DCX: variants seen among roughly 807,000 people sequenced by gnomAD.
DCX encodes neuronal migration protein doublecortin.
Under a neutral mutation model 20.9 loss-of-function variants are expected in DCX, and 4 were observed. That is an observed-to-expected ratio of 0.19 (90% CI 0.09 to 0.44). The LOEUF (loss-of-function observed/expected upper bound fraction) is 0.44. Among genes scored for constraint, DCX ranks in the 20% least tolerant of loss-of-function variants. The probability of loss-of-function intolerance (pLI) is 0.99; values close to 1 mark genes in which losing one functional copy is unlikely to be tolerated. For missense variants in DCX, 133 were observed against 296.9 expected (o/e 0.45, Z 4.06); for synonymous variants, 103 against 111.4 (o/e 0.92, Z 0.47).
At chrX:111,391,088 C>T (rs1926911134) in intron 3 of DCX, among the ~76,000 whole-genome samples, 1 of 111,100 alleles carries the variant, frequency 9.0e-6, no homozygotes, top group Non-Finnish European at 1.9e-5. Context: ...TCTGTGCCCC[C>T]ACCCAAATTT....
At chrX:111,308,987 G>C (rs1477359436) in intron 6 of DCX, among the ~76,000 whole-genome samples, 2 of 110,461 alleles carry the variant, frequency 1.8e-5, no homozygotes, top group Non-Finnish European at 3.8e-5. Flanking sequence ...ATCTGTAAAA[G>C]GGAAATGCTA....
chrX:111,315,246 AC>A (rs1313177873), intron 5 of DCX, among the ~76,000 whole-genome samples: 1 of 98,426 alleles, frequency 1.0e-5, no homozygotes, highest in African/African-American at 3.9e-5. Flanking sequence ...AAAACAAACA[AC>A]CCCATCAAAA....
intron 3 of DCX, among the ~76,000 whole-genome samples, chrX:111,353,540 T>C (rs1367332580): frequency 8.9e-6 from 1 of 111,843 alleles, no homozygotes; most frequent in African/African-American, 3.3e-5. Context: ...AGAAATCTAC[T>C]GTCTTTTTCT....
At chrX:111,334,801 A>G (rs1424216559) in intron 3 of DCX, among the ~76,000 whole-genome samples, 2 of 112,235 alleles carry the variant, frequency 1.8e-5, no homozygotes, top group Non-Finnish European at 3.8e-5. Flanking sequence ...GGTGAGATAC[A>G]TCGAAATAGA....
chrX:111,361,535 ACCTAAACT>A (rs1181924983), intron 3 of DCX, among the ~76,000 whole-genome samples: 10 of 111,955 alleles, frequency 8.9e-5, no homozygotes, highest in Non-Finnish European at 1.3e-4. Context: ...TATTAATTTC[ACCTAAACT>A]CCTAAACTGT....
chrX:111,348,853 G>A (rs767846387), intron 3 of DCX, among the ~76,000 whole-genome samples: 51 of 106,642 alleles, frequency 4.8e-4, no homozygotes, highest in Non-Finnish European at 5.6e-4. Context: ...CGTAGGGGAA[G>A]GAAAGGTTTG....
At chrX:111,348,550 A>T (rs930248998) in intron 3 of DCX, among the ~76,000 whole-genome samples, 5 of 111,305 alleles carry the variant, frequency 4.5e-5, no homozygotes, top group Non-Finnish European at 9.4e-5. Flanking sequence ...CATGCCCAGG[A>T]CTGACACCTG....
intron 3 of DCX, among the ~76,000 whole-genome samples, chrX:111,340,807 AAAAC>A (rs1216904944): frequency 9.0e-6 from 1 of 111,610 alleles, no homozygotes; most frequent in Non-Finnish European, 1.9e-5. Flanking sequence ...CATTGAAAGA[AAAAC>A]AAACAAACAG....
At chrX:111,317,497 T>G (rs2147605981) in intron 5 of DCX, among the ~76,000 whole-genome samples, 1 of 110,068 alleles carries the variant, frequency 9.1e-6, no homozygotes, top group South Asian at 4.0e-4. Context: ...CACATAGGAC[T>G]TGGCAAGGAT....
intron 3 of DCX, among the ~76,000 whole-genome samples, chrX:111,374,366 G>A (rs1400359014): frequency 8.9e-6 from 1 of 112,201 alleles, no homozygotes; most frequent in Non-Finnish European, 1.9e-5. Context: ...AAGCATTGGA[G>A]AACAAATTAA....
At chrX:111,330,420 T>A (rs1030977794) in intron 5 of DCX, among the ~76,000 whole-genome samples, 1 of 112,316 alleles carries the variant, frequency 8.9e-6, no homozygotes, top group Admixed American at 9.4e-5. Flanking sequence ...TGTCCCCCTA[T>A]TTATATGGCA....
intron 5 of DCX, among the ~76,000 whole-genome samples, chrX:111,319,465 A>T (rs1330915584): frequency 8.9e-6 from 1 of 111,934 alleles, no homozygotes; most frequent in Non-Finnish European, 1.9e-5. Flanking sequence ...CCCAAAGAAC[A>T]TGACCTGTGC....
At chrX:111,316,093 A>AT (rs1402727369) in intron 5 of DCX, among the ~76,000 whole-genome samples, 17 of 100,795 alleles carry the variant, frequency 1.7e-4, no homozygotes, top group Non-Finnish European at 6.0e-5. Context: ...AAATAAAAAA[A>AT]AAAAAAAAAA....
At chrX:111,318,807 G>A (rs778575502) in intron 5 of DCX, among the ~76,000 whole-genome samples, 19 of 110,875 alleles carry the variant, frequency 1.7e-4, no homozygotes, top group African/African-American at 5.9e-4. Context: ...GGTGGAGGGT[G>A]GAAGGAGGGA....
chrX:111,374,588 G>A (rs1925377561), intron 3 of DCX, among the ~76,000 whole-genome samples: 1 of 111,124 alleles, frequency 9.0e-6, no homozygotes, highest in Non-Finnish European at 1.9e-5. Flanking sequence ...GGGCAGCCAG[G>A]TTATCTGCCT....
intron 2 of DCX, among the ~76,000 whole-genome samples, chrX:111,401,704 T>C (rs1311918364): frequency 8.9e-6 from 1 of 112,423 alleles, no homozygotes; most frequent in East Asian, 2.8e-4. Flanking sequence ...TGGAGAATTT[T>C]TAACATTTCT....
At chrX:111,341,237 T>C (rs547654701) in intron 3 of DCX, among the ~76,000 whole-genome samples, 10 of 108,610 alleles carry the variant, frequency 9.2e-5, no homozygotes, top group Admixed American at 8.0e-4. Flanking sequence ...TACACAAATA[T>C]TAATAGCCGA....
At chrX:111,409,516 G>C (rs1047311904) in intron 2 of DCX, among the ~76,000 whole-genome samples, 6 of 111,828 alleles carry the variant, frequency 5.4e-5, no homozygotes, top group African/African-American at 2.0e-4. Context: ...CTTTTTAGAA[G>C]CAACAGCTGA....
At chrX:111,319,310 G>A (rs1459541900) in intron 5 of DCX, among the ~76,000 whole-genome samples, 1 of 111,613 alleles carries the variant, frequency 9.0e-6, no homozygotes. Flanking sequence ...ACTAATCCAG[G>A]TGAGGGATGA....
Sources: gnomAD v4.1 joint callset for allele counts (sites outside exome capture counted in the v4.1 genomes callset) on GRCh38, gnomAD v4.1.1 for gene constraint, MANE v1.5 for transcripts, NCBI Gene and HGNC (gene_info 2026-07-23, HGNC 2026-07-21) for gene names.